The following AUTS2 variants were observed in gnomAD, a reference collection of about 807,000 sequenced individuals.
The protein encoded by AUTS2 is autism susceptibility gene 2 protein.
In AUTS2, 17 loss-of-function variants were observed where a neutral mutation model predicts 112.4. The observed-to-expected ratio is 0.15, with a 90% confidence interval of 0.10 to 0.23. The LOEUF (loss-of-function observed/expected upper bound fraction) is 0.23, where lower values mean the gene tolerates loss of function less well. Among genes scored for constraint, AUTS2 ranks in the 10% least tolerant of loss-of-function variants. The pLI, the probability that AUTS2 is intolerant of heterozygous loss-of-function variation, is 1.00. For missense variants in AUTS2, 1,510 were observed against 1,701.6 expected, an observed-to-expected ratio of 0.89 and a Z score of 1.98; for synonymous variants, 751 against 702.7, an observed-to-expected ratio of 1.07 and a Z score of -1.09.
At chr7:70,684,544 T>C (rs13226800) in intron 5 of AUTS2, among the ~76,000 whole-genome samples, 33,965 of 147,632 alleles carry the variant, frequency 0.23, 4,603 homozygotes, top group Non-Finnish European at 0.3. Flanking sequence ...TGTGGTGTGG[T>C]GTGGCGTGGC....
intron 2 of AUTS2, among the ~76,000 whole-genome samples, chr7:70,047,467 T>G (rs1364123256): frequency 6.6e-6 from 1 of 152,172 alleles, no homozygotes; most frequent in Non-Finnish European, 1.5e-5. Flanking sequence ...CTTTATAACA[T>G]GAGGTGATTT....
chr7:69,727,546 C>T (rs191446720), intron 1 of AUTS2, among the ~76,000 whole-genome samples: 7 of 152,116 alleles, frequency 4.6e-5, no homozygotes, highest in East Asian at 1.9e-4. Context: ...GCTGAGATCG[C>T]GCCACTGCAC....
At chr7:70,088,496 T>C (rs1402772395) in intron 2 of AUTS2, among the ~76,000 whole-genome samples, 1 of 151,638 alleles carries the variant, frequency 6.6e-6, no homozygotes, top group Non-Finnish European at 1.5e-5. Context: ...CTTATCGTTG[T>C]TATTTCCTGT....
At chr7:69,768,241 C>T (rs529449895) in intron 1 of AUTS2, among the ~76,000 whole-genome samples, 11 of 152,322 alleles carry the variant, frequency 7.2e-5, no homozygotes, top group African/African-American at 2.2e-4. Context: ...CAGACTCTCA[C>T]GCTGGGTTGT....
intron 2 of AUTS2, among the ~76,000 whole-genome samples, chr7:69,934,645 A>G (rs1796341943): frequency 6.6e-6 from 1 of 152,046 alleles, no homozygotes; most frequent in South Asian, 2.1e-4. Context: ...AATAGCAAAC[A>G]CTGTGTGTGT....
At chr7:69,827,508 T>C (rs986615213) in intron 1 of AUTS2, among the ~76,000 whole-genome samples, 2 of 152,078 alleles carry the variant, frequency 1.3e-5, no homozygotes, top group Admixed American at 1.3e-4. Flanking sequence ...TATTCTTCAA[T>C]AGAAATTTGA....
chr7:69,616,603 G>A (rs1793389993), intron 1 of AUTS2, among the ~76,000 whole-genome samples: 1 of 152,176 alleles, frequency 6.6e-6, no homozygotes, highest in South Asian at 2.1e-4. Flanking sequence ...TGAATTTTCA[G>A]GGTCCTTTTT....
At position 70,790,336 on chromosome 7, in the gene AUTS2, G is replaced by A; in HGVS notation, c.3120G>A (p.Leu1040=). ...ACCCCATGAACAGCATCAGCAGCCT[G>A]GACAGGACTCGCATGATGACCCCCT... ...GIHPMNSISS[L]DRTRMMTPFM... is the part of the protein sequence containing the mutation. Residue 1040 remains leucine (L), a synonymous_variant, in exon 19 of 19, where the codon CTG becomes CTA. Transcript: ENST00000342771. The surrounding 1 kb of genome is among the most constrained non-coding windows in gnomAD (Gnocchi z 7.6). The A allele has an allele frequency of 1.9e-6, 3 of 1,613,828 alleles. 1 individual carries two copies. The highest frequency in any genetic ancestry group is 2.2e-5 in the South Asian group (2 of 91,082).
intron 5 of AUTS2, among the ~76,000 whole-genome samples, chr7:70,690,203 A>AG (rs1294990831): frequency 6.6e-6 from 1 of 152,242 alleles, no homozygotes; most frequent in African/African-American, 2.4e-5. Context: ...TGCTGGCTCC[A>AG]GGGCCCAGCT....
intron 4 of AUTS2, among the ~76,000 whole-genome samples, chr7:70,277,956 G>GTA (rs1554354130): frequency 9.1e-6 from 1 of 110,172 alleles, no homozygotes; most frequent in East Asian, 2.5e-4. Flanking sequence ...GTGTATGTAT[G>GTA]TATGTGTGTG....
intron 1 of AUTS2, among the ~76,000 whole-genome samples, chr7:69,783,675 C>T (rs1789243059): frequency 6.6e-6 from 1 of 152,176 alleles, no homozygotes; most frequent in South Asian, 2.1e-4. Context: ...ATGCTGTTAG[C>T]AAGCTTGAGG....
At chr7:70,563,607 C>T (rs149895980) in intron 5 of AUTS2, among the ~76,000 whole-genome samples, 30 of 152,252 alleles carry the variant, frequency 2.0e-4, no homozygotes, top group Admixed American at 3.9e-4. Flanking sequence ...GGAGAAGAGC[C>T]TCACTTCCCG....
intron 5 of AUTS2, among the ~76,000 whole-genome samples, chr7:70,450,099 A>C (rs537102327): frequency 7.1e-4 from 108 of 152,330 alleles, no homozygotes; most frequent in African/African-American, 2.5e-3. Flanking sequence ...TGTTCCTAAG[A>C]CTAGAAAATA....
intron 4 of AUTS2, among the ~76,000 whole-genome samples, chr7:70,327,818 A>G (rs778626420): frequency 1.3e-5 from 2 of 151,986 alleles, no homozygotes; most frequent in Non-Finnish European, 2.9e-5. Context: ...AAAATTTATC[A>G]TTTTCTTTGT....
chr7:70,526,647 G>A (rs957978989), intron 5 of AUTS2, among the ~76,000 whole-genome samples: 5 of 152,206 alleles, frequency 3.3e-5, no homozygotes, highest in African/African-American at 7.2e-5. Flanking sequence ...TCCAGCCTGG[G>A]TGACAGCAAG....
intron 4 of AUTS2, among the ~76,000 whole-genome samples, chr7:70,296,498 C>T (rs961728420): frequency 7.2e-5 from 11 of 152,178 alleles, no homozygotes; most frequent in Non-Finnish European, 1.0e-4. Flanking sequence ...TCAGCATATA[C>T]GTACAGTTTT....
At chr7:70,131,602 A>G (rs1163122547) in intron 3 of AUTS2, among the ~76,000 whole-genome samples, 1 of 152,138 alleles carries the variant, frequency 6.6e-6, no homozygotes, top group Non-Finnish European at 1.5e-5. Context: ...GCTGTTTCTA[A>G]ACATTCCTTT....
chr7:70,392,873 G>A (rs932956222), intron 4 of AUTS2, among the ~76,000 whole-genome samples: 4 of 152,152 alleles, frequency 2.6e-5, no homozygotes, highest in Non-Finnish European at 5.9e-5. Flanking sequence ...TTTTCTAGTG[G>A]GATTAGAAAG....
chr7:70,675,765 C>A (rs1290768838), intron 5 of AUTS2, among the ~76,000 whole-genome samples: 1 of 152,222 alleles, frequency 6.6e-6, no homozygotes, highest in Non-Finnish European at 1.5e-5. Context: ...ATGGGCTTCT[C>A]ACAGAACGGC....
Sources: allele counts gnomAD v4.1 joint callset (sites outside exome capture counted in the v4.1 genomes callset), GRCh38; gene constraint gnomAD v4.1.1; non-coding constraint Gnocchi (gnomAD v3.1); transcripts MANE v1.5; gene names NCBI Gene and HGNC (gene_info 2026-07-23, HGNC 2026-07-21).